The following EPB42 variants were observed in gnomAD, a reference collection of about 807,000 sequenced individuals.
EPB42 encodes the protein protein 4.2.
A neutral mutation model predicts 76.9 loss-of-function variants in EPB42; 49 were observed. The ratio of observed to expected loss-of-function variants is 0.64; its 90% CI spans 0.51 to 0.81. The LOEUF is 0.81. EPB42 is among the 30% of genes least tolerant of loss of function. The pLI is 0.00. For missense variants in EPB42, 731 were observed against 867.6 expected (o/e 0.84, Z 1.98); for synonymous variants, 310 against 338.4 (o/e 0.92, Z 0.92).
chr15:43,198,010 C>A (rs960569455), intron 12 of EPB42, among the ~76,000 whole-genome samples: 2 of 152,206 alleles, frequency 1.3e-5, no homozygotes, highest in Non-Finnish European at 2.9e-5. Context: ...GCCTTTGCCT[C>A]CTGCCATGAT....
Position 43,206,284 on chromosome 15 carries a change from T to C in EPB42, c.1618+46A>G. On this transcript the variant is annotated intron_variant, in intron 10 of 12. Coordinates refer to ENST00000441366, the MANE Select transcript of EPB42 (RefSeq NM_001114134.2). This position sits in a 1 kb window ranked among gnomAD's most constrained non-coding sequence, Gnocchi z 4.7. ...CTGCCTGCCCAAGGCAGGGGCCATG[T>C]GTGTGTGTGTGTCGGGGGGTGTCTG... is the stretch of plus-strand genomic sequence containing the variant. 1 of 1,543,830 alleles carries C rather than the reference T, an allele frequency of 6.5e-7. No individual in the cohort carries two copies. The highest frequency in any genetic ancestry group is 8.8e-7 in the Non-Finnish European group (1 of 1,137,358).
At chr15:43,212,344 G>A (rs2042311220) in intron 3 of EPB42, among the ~76,000 whole-genome samples, 1 of 140,748 alleles carries the variant, frequency 7.1e-6, no homozygotes, top group Non-Finnish European at 1.5e-5. Context: ...ACTCCAGCTT[G>A]GGCAACAAGA....
chr15:43,210,267 G>T, intron 5 of EPB42, 68 bp downstream of exon 5: 1 of 1,385,792 alleles, frequency 7.2e-7, no homozygotes, highest in Non-Finnish European at 1.0e-6. Flanking sequence ...CCACGGTGGT[G>T]GGGCAGGTCT....
At chr15:43,200,320 C>A (rs1278153095) in intron 12 of EPB42, among the ~76,000 whole-genome samples, 2 of 152,212 alleles carry the variant, frequency 1.3e-5, no homozygotes, top group African/African-American at 4.8e-5. Flanking sequence ...GTAACCCACA[C>A]ACCTGTTAGG....
At chr15:43,219,403 C>T (rs1438232815) in intron 1 of EPB42, among the ~76,000 whole-genome samples, 1 of 152,146 alleles carries the variant, frequency 6.6e-6, no homozygotes, top group East Asian at 1.9e-4. Context: ...AACTGGTTCA[C>T]AAGGTTCCTC....
rs368316341 is a variant in EPB42 at position 43,206,642 on chromosome 15, A to C, written c.1319-13T>G. 5.0e-6 allele frequency: 8 copies of C among 1,614,164 alleles called. No homozygotes were observed. The highest frequency in any genetic ancestry group is 1.3e-5 in the African/African-American group (1 of 75,052). On this transcript the variant is annotated splice_polypyrimidine_tract_variant and intron_variant, in intron 9 of 12. Transcript: ENST00000441366. This position sits in a 1 kb window ranked among gnomAD's most constrained non-coding sequence, Gnocchi z 4.7. ...TCCTGAAGAGACCCTGGAGAAGGGA[A>C]GAAACAAAGCTGACCTTTTACCCGG...
chr15:43,204,456 G>T (rs1483097575), intron 10 of EPB42, among the ~76,000 whole-genome samples: 1 of 152,076 alleles, frequency 6.6e-6, no homozygotes, highest in African/African-American at 2.4e-5. Context: ...CCACGTCTGA[G>T]CTCCAGCCCA....
At chr15:43,204,970 C>G (rs1024692061) in intron 10 of EPB42, among the ~76,000 whole-genome samples, 16 of 143,934 alleles carry the variant, frequency 1.1e-4, no homozygotes, top group Admixed American at 8.9e-4. Context: ...CTCCGCCCCC[C>G]CCCCAAAAAA....
chr15:43,217,454 G>A (rs565891519), intron 1 of EPB42, among the ~76,000 whole-genome samples: 5 of 152,128 alleles, frequency 3.3e-5, no homozygotes, highest in East Asian at 3.9e-4. Flanking sequence ...TGTGAGAACC[G>A]ACTAATACAA....
Position 43,216,409 on chromosome 15 carries a change from C to T in EPB42, c.55G>A (p.Glu19Lys), listed in dbSNP as rs758998176. The T allele has an allele frequency of 2.5e-6, 4 of 1,614,186 alleles. No individual in the cohort carries two copies. The highest frequency in any genetic ancestry group is 2.5e-6 in the Non-Finnish European group (3 of 1,180,046). The change falls in exon 2 of 13, where the codon GAG (glutamate) becomes AAG (lysine). Residue 19 changes from glutamate to lysine, a missense_variant. Physicochemically the swap from Glu to Lys is moderately conservative, Grantham distance 56 (BLOSUM62 1). Coordinates refer to ENST00000441366, the MANE Select transcript of EPB42 (RefSeq NM_001114134.2). The stretch of plus-strand genomic sequence containing the variant: ...CTGAGGGCCTTGGTGTGGTGCTCCT[C>T]ATTGTTTCTTGCTGCCTGAAAGTCA... ...SCDFQAARNN[E>K]EHHTKALSSR... is the part of the protein sequence containing the mutation.
intron 1 of EPB42, among the ~76,000 whole-genome samples, chr15:43,217,029 T>A (rs1163564434): frequency 6.6e-6 from 1 of 152,222 alleles, no homozygotes; most frequent in Non-Finnish European, 1.5e-5. Context: ...AGAAAAACCC[T>A]TCACGGAGGT....
intron 12 of EPB42, among the ~76,000 whole-genome samples, chr15:43,201,559 C>T (rs1392663378): frequency 6.6e-6 from 1 of 152,216 alleles, no homozygotes; most frequent in African/African-American, 2.4e-5. Context: ...CTAATGCCCT[C>T]GCCTATATTC....
chr15:43,200,900 C>T (rs1316833611), intron 12 of EPB42, among the ~76,000 whole-genome samples: 5 of 151,936 alleles, frequency 3.3e-5, no homozygotes, highest in East Asian at 3.9e-4. Context: ...CTGCAAGCTC[C>T]GCCTCCCAGG....
chr15:43,215,459 A>C, intron 2 of EPB42, 131 bp from the exon 3 acceptor site: 1 of 905,794 alleles, frequency 1.1e-6, no homozygotes, highest in South Asian at 1.4e-5. Context: ...ACCCACCTAG[A>C]AATGAGGCCC....
At chr15:43,201,036 G>A (rs187657663) in intron 12 of EPB42, among the ~76,000 whole-genome samples, 151 of 152,216 alleles carry the variant, frequency 9.9e-4, no homozygotes, top group Non-Finnish European at 1.2e-3. Context: ...GGATGGTCTC[G>A]ATCCTCCTGA....
upstream of EPB42, among the ~76,000 whole-genome samples, chr15:43,223,709 G>C (rs896999638): frequency 2.6e-5 from 4 of 152,176 alleles, no homozygotes; most frequent in Admixed American, 6.5e-5. Flanking sequence ...GCTGGGCGCG[G>C]TGGCTCATGC....
chr15:43,211,335 C>T lies in EPB42; in HGVS notation c.549+81G>A, dbSNP rs148891379. ...GGTCTCATGACCAGGGGTTTTTGGA[C>T]CTACCAGCTCTGTCTAGCCTCAACA... On this transcript the variant is annotated intron_variant, in intron 4 of 12. Transcript: ENST00000441366. The T allele has an allele frequency of 2.5e-3, 2,306 of 927,888 alleles. 19 individuals carry two copies. Among genetic ancestry groups the T allele is most frequent in the South Asian group, 8.5e-3 (653 of 77,250 alleles). 57.5% of individuals were successfully genotyped at this position (927,888 alleles called of 1,614,324 possible). A position where few individuals can be genotyped will look rare whatever the true frequency, so the allele number is the denominator to read the frequency against.
intron 9 of EPB42, 118 bp downstream of exon 9, chr15:43,207,079 CCT>C: frequency 1.4e-6 from 2 of 1,469,144 alleles, no homozygotes; most frequent in Non-Finnish European, 1.9e-6. Flanking sequence ...GTTGAGAAAC[CCT>C]GTTTTATATG....
intron 12 of EPB42, among the ~76,000 whole-genome samples, chr15:43,199,559 G>A (rs558822010): frequency 1.1e-4 from 17 of 152,210 alleles, no homozygotes; most frequent in African/African-American, 4.1e-4. Context: ...GCCTTGTCTC[G>A]GGTGAGACTT....
Sources: gnomAD v4.1 joint callset for allele counts (sites outside exome capture counted in the v4.1 genomes callset) on GRCh38, gnomAD v4.1.1 for gene constraint, Gnocchi (gnomAD v3.1) non-coding constraint, MANE v1.5 for transcripts, NCBI Gene and HGNC (gene_info 2026-07-23, HGNC 2026-07-21) for gene names.